Variants in YTHDC2 observed in about 807,000 individuals in gnomAD.
YTHDC2 encodes YTH N6-methyladenosine RNA binding protein C2.
In YTHDC2, 45 loss-of-function variants were observed where a neutral mutation model predicts 174.9. The ratio of observed to expected loss-of-function variants is 0.26; its 90% CI spans 0.20 to 0.33. The LOEUF is 0.33. Among genes scored for constraint, YTHDC2 ranks in the 10% least tolerant of loss-of-function variants. YTHDC2 has a pLI of 1.00. For missense variants in YTHDC2, 1,650 were observed against 1,723.7 expected, an observed-to-expected ratio of 0.96 and a Z score of 0.76; for synonymous variants, 657 against 574.5, an observed-to-expected ratio of 1.14 and a Z score of -2.05.
chr5:113,594,194 C>T lies in YTHDC2; in HGVS notation c.*720C>T, dbSNP rs1405897536. 1 of 152,212 alleles carries T rather than the reference C, an allele frequency of 6.6e-6. No individual in the cohort carries two copies. Among genetic ancestry groups the T allele is most frequent in the East Asian group, 1.9e-4 (1 of 5,186 alleles). The allele number at this position is 152,212 out of a possible 1,614,324, so 9.4% of individuals were successfully genotyped here. On this transcript the variant is annotated 3_prime_UTR_variant, in exon 30 of 30. Transcript: ENST00000161863. Reference sequence around the variant, plus strand: ...CTTTTAACCTGATGTGTACCTTACTCTTTCCTCCCTCTCTTCCTCCCTTCC... The same window carrying T: ...CTTTTAACCTGATGTGTACCTTACTTTTTCCTCCCTCTCTTCCTCCCTTCC...
intron 24 of YTHDC2, 144 bp downstream of exon 24, chr5:113,579,839 A>C (rs1320397322): frequency 7.7e-7 from 1 of 1,300,356 alleles, no homozygotes; most frequent in Non-Finnish European, 9.8e-7. Flanking sequence ...TGGGGACCTC[A>C]TTCATTCTCT....
At position 113,563,918 on chromosome 5, in the gene YTHDC2, C is replaced by T; in HGVS notation, c.2502C>T (p.Asp834=). The T allele has an allele frequency of 3.1e-6, 5 of 1,614,162 alleles. No individual in the cohort carries two copies. The highest frequency in any genetic ancestry group is 1.7e-5 in the Admixed American group (1 of 60,016). Residue 834 remains aspartate, a synonymous_variant, in exon 20 of 30, where the codon GAC becomes GAT. Transcript: ENST00000161863. ...DLTELGYHLA[D]LPVEPHLGKM... ...CTGAACTTGGGTATCATTTGGCTGA[C>T]TTGCCAGTAGAACCACATCTTGGTA...
intron 23 of YTHDC2, among the ~76,000 whole-genome samples, chr5:113,574,941 G>T (rs1777950047): frequency 6.6e-6 from 1 of 152,204 alleles, no homozygotes; most frequent in Non-Finnish European, 1.5e-5. Flanking sequence ...CCCGGGAGGG[G>T]TCATATAATC....
intron 24 of YTHDC2, 194 bp downstream of exon 24, chr5:113,579,889 C>G: frequency 2.0e-6 from 2 of 985,152 alleles, no homozygotes; most frequent in Non-Finnish European, 2.4e-6. Context: ...CTTGGAAAAC[C>G]TAGTTGTGGC....
At chr5:113,567,900 T>TA (rs755628506) in intron 23 of YTHDC2, 51 bp downstream of exon 23, 4 of 1,286,768 alleles carry the variant, frequency 3.1e-6, no homozygotes, top group Admixed American at 2.7e-5. Context: ...TTTTTTTTTT[T>TA]ACCAAATAAT....
At chr5:113,521,418 T>C (rs1773850567) in intron 2 of YTHDC2, among the ~76,000 whole-genome samples, 1 of 152,234 alleles carries the variant, frequency 6.6e-6, no homozygotes, top group East Asian at 1.9e-4. Flanking sequence ...ATCTTCAATT[T>C]AGCTTATAGT....
At chr5:113,584,258 G>T (rs563092874) in intron 25 of YTHDC2, 44 bp from the exon 26 acceptor site, 16 of 1,521,890 alleles carry the variant, frequency 1.1e-5, no homozygotes, top group Admixed American at 2.0e-5. Flanking sequence ...TTTGTATGAC[G>T]AACTTATATA....
chr5:113,535,975 G>GC (rs1295311409), intron 7 of YTHDC2, among the ~76,000 whole-genome samples, 177 bp downstream of exon 7: 1 of 152,110 alleles, frequency 6.6e-6, no homozygotes, highest in African/African-American at 2.4e-5. Flanking sequence ...TCTATCAACA[G>GC]CTCTTTGGTA....
intron 20 of YTHDC2, among the ~76,000 whole-genome samples, chr5:113,565,149 A>G (rs1035386182): frequency 2.6e-5 from 4 of 152,206 alleles, no homozygotes; most frequent in Non-Finnish European, 5.9e-5. Flanking sequence ...TTTATGCAGA[A>G]AGTACTCTTT....
chr5:113,515,195 A>G (rs1773322173), intron 1 of YTHDC2, 77 bp from the exon 2 acceptor site: 4 of 1,025,426 alleles, frequency 3.9e-6, no homozygotes, highest in South Asian at 1.5e-5. Flanking sequence ...TGTTTTTCAT[A>G]TTTTGTATCT....
chr5:113,535,938 C>T (rs544419998), intron 7 of YTHDC2, 140 bp downstream of exon 7: 2 of 649,316 alleles, frequency 3.1e-6, no homozygotes, highest in African/African-American at 3.8e-5. Context: ...TTAATTGTCA[C>T]TTCTTTCTGT....
At chr5:113,533,153 G>T in intron 5 of YTHDC2, 108 bp downstream of exon 5, 1 of 1,283,998 alleles carries the variant, frequency 7.8e-7, no homozygotes, top group Admixed American at 2.4e-5. Flanking sequence ...TGATCATTTT[G>T]CTCCAAGTAA....
chr5:113,560,971 G>C, intron 17 of YTHDC2, 109 bp from the exon 18 acceptor site: 1 of 874,136 alleles, frequency 1.1e-6, no homozygotes, highest in Non-Finnish European at 1.7e-6. Flanking sequence ...TTTAAACTCA[G>C]GTATCCTGAT....
At chr5:113,540,062 A>G (rs190764359) in intron 8 of YTHDC2, among the ~76,000 whole-genome samples, 7 of 152,248 alleles carry the variant, frequency 4.6e-5, no homozygotes, top group Admixed American at 2.6e-4. Flanking sequence ...AATTTTTAAA[A>G]TATTTTGTAG....
At chr5:113,538,141 C>T (rs766501651) in intron 7 of YTHDC2, among the ~76,000 whole-genome samples, 4 of 147,898 alleles carry the variant, frequency 2.7e-5, no homozygotes, top group African/African-American at 5.1e-5. Context: ...TTTTACCTCC[C>T]GCCTAGCTCT....
intron 16 of YTHDC2, 67 bp downstream of exon 16, chr5:113,554,089 T>C: frequency 7.8e-7 from 1 of 1,275,408 alleles, no homozygotes; most frequent in African/African-American, 1.6e-5. Context: ...ACAAATACTT[T>C]TATTTATTAT....
At chr5:113,514,962 A>G (rs990140655) in intron 1 of YTHDC2, among the ~76,000 whole-genome samples, 1 of 152,232 alleles carries the variant, frequency 6.6e-6, no homozygotes, top group African/African-American at 2.4e-5. Flanking sequence ...TACCAACTCA[A>G]AATTCCAGAA....
In YTHDC2 at chr5:113,591,126, C is replaced by G. The variant is rs1778982715; in HGVS notation, c.3911C>G (p.Ser1304Cys). Reference protein sequence around the residue: ...KSSNLRNLEISQQKGIWSTTP... With the variant: ...KSSNLRNLEICQQKGIWSTTP... ...AGCAATTTGAGAAACCTTGAAATTT[C>G]TCAACAGAAGGGTATCTGGTCTACA... The change falls in exon 27 of 30, where the codon TCT becomes TGT. Residue 1304 changes from serine to cysteine, a missense_variant. Around this residue, in one of 5 missense-constraint regions of YTHDC2, gnomAD observed 913 missense variants for 940.4 expected, o/e 0.97. Coordinates refer to ENST00000161863, the MANE Select transcript of YTHDC2 (RefSeq NM_022828.5). The G allele has an allele frequency of 6.2e-7, 1 of 1,613,812 alleles. No homozygotes were observed. Among genetic ancestry groups the G allele is most frequent in the South Asian group, 1.1e-5 (1 of 91,082 alleles).
intron 1 of YTHDC2, 113 bp from the exon 2 acceptor site, chr5:113,515,159 G>A (rs1773317669): frequency 1.6e-6 from 1 of 614,206 alleles, no homozygotes; most frequent in Non-Finnish European, 2.8e-6. Flanking sequence ...CTCAAATAAA[G>A]TATAATAAAT....
Sources: gnomAD v4.1 joint callset for allele counts (sites outside exome capture counted in the v4.1 genomes callset) on GRCh38, gnomAD v4.1.1 for gene constraint, gnomAD v4.1.1 regional missense constraint, MANE v1.5 for transcripts, NCBI Gene and HGNC (gene_info 2026-07-23, HGNC 2026-07-21) for gene names.